The following SLC38A4 variants were observed in gnomAD, a reference collection of about 807,000 sequenced individuals.
SLC38A4 encodes the protein sodium-coupled neutral amino acid transporter 4.
In SLC38A4, 20 loss-of-function variants were observed where a neutral mutation model predicts 63.1. That is an observed-to-expected ratio of 0.32 (90% confidence interval 0.22 to 0.46). The LOEUF is 0.46. Among genes scored for constraint, SLC38A4 ranks in the 20% least tolerant of loss-of-function variants. SLC38A4 has a pLI of 1.00. For synonymous variants in SLC38A4, 230 were observed against 225.5 expected, an observed-to-expected ratio of 1.02 and a Z score of -0.18; for missense variants, 526 against 663.6, an observed-to-expected ratio of 0.79 and a Z score of 2.28.
intron 2 of SLC38A4, among the ~76,000 whole-genome samples, chr12:46,800,393 T>C (rs1565673077): frequency 6.6e-6 from 1 of 152,250 alleles, no homozygotes; most frequent in East Asian, 1.9e-4. Context: ...TTTAGTCTCA[T>C]ACTGAAGCCG....
At position 46,765,538 on chromosome 12, in the gene SLC38A4, T is replaced by C. The variant is rs770740940; in HGVS notation, c.*1163A>G. 1 of 257,050 alleles carries C rather than the reference T, an allele frequency of 3.9e-6. No homozygotes were observed. Among genetic ancestry groups the C allele is most frequent in the Non-Finnish European group, 7.8e-6 (1 of 128,628 alleles). The allele number at this position is 257,050 out of a possible 1,614,324, so 15.9% of individuals were successfully genotyped here. On this transcript the variant is annotated 3_prime_UTR_variant, in exon 17 of 17. Transcript: ENST00000266579. ...ATTGAAGAAGAGCATTGCCAAACTA[T>C]ATATAACTTAGGTTTCAAATTTAAA... is the stretch of plus-strand genomic sequence containing the variant.
intron 2 of SLC38A4, among the ~76,000 whole-genome samples, chr12:46,794,637 A>G (rs1238343743): frequency 7.2e-5 from 11 of 151,818 alleles, no homozygotes; most frequent in Admixed American, 7.2e-4. Flanking sequence ...TGTGGAAATC[A>G]CTCAAATTAT....
In SLC38A4 at chr12:46,767,272, C is replaced by G. The variant is rs565854099; in HGVS notation, c.1543-470G>C. ...TGTGTGTGTGCATACATATAATATACACACACATATATAAGGATATATGTA... is the reference window on the plus strand; with the variant it reads ...TGTGTGTGTGCATACATATAATATAGACACACATATATAAGGATATATGTA... On this transcript the variant is annotated intron_variant, in intron 16 of 16. Transcript: ENST00000266579. Among the ~76,000 whole-genome samples, 183 of 151,796 alleles carry G rather than the reference C, an allele frequency of 1.2e-3. 1 individual carries two copies. Among genetic ancestry groups the G allele is most frequent in the Non-Finnish European group, 2.5e-4 (17 of 67,886 alleles).
chr12:46,777,105 A>T (rs1409098260), intron 12 of SLC38A4, 101 bp from the exon 13 acceptor site: 7 of 869,204 alleles, frequency 8.1e-6, no homozygotes, highest in Non-Finnish European at 1.2e-5. Flanking sequence ...TATATTGCTC[A>T]TCATGAAGAC....
chr12:46,792,886 AC>A, intron 3 of SLC38A4, 66 bp downstream of exon 3: 1 of 1,133,924 alleles, frequency 8.8e-7, no homozygotes, highest in Non-Finnish European at 1.3e-6. Context: ...TCCCATCAAG[AC>A]CCTGTTTTCC....
intron 1 of SLC38A4, among the ~76,000 whole-genome samples, chr12:46,809,876 T>C (rs1939305462): frequency 6.6e-6 from 1 of 151,886 alleles, no homozygotes; most frequent in African/African-American, 2.4e-5. Context: ...GTATTCTCCT[T>C]TTTTGTTTAC....
intron 14 of SLC38A4, 129 bp downstream of exon 14, chr12:46,774,920 T>C: frequency 9.2e-7 from 1 of 1,081,452 alleles, no homozygotes; most frequent in Non-Finnish European, 1.3e-6. Flanking sequence ...CAAAATGCTA[T>C]AGGAAAATAA....
chr12:46,788,034 T>C lies in SLC38A4; in HGVS notation c.211-3A>G. ...CCAAAGGAAGTGGTTCCGGGATGCT[T>C]GAAAAAGAAGGGATGTATTATAAGC... On this transcript the variant is annotated splice_polypyrimidine_tract_variant and splice_region_variant and intron_variant, in intron 4 of 16. Coordinates refer to ENST00000266579, the MANE Select transcript of SLC38A4 (RefSeq NM_018018.5). 1 of 1,609,202 alleles carries C rather than the reference T, an allele frequency of 6.2e-7. No individual in the cohort carries two copies. Among genetic ancestry groups the C allele is most frequent in the Non-Finnish European group, 8.5e-7 (1 of 1,175,858 alleles).
At chr12:46,782,963 A>G (rs954095916) in intron 7 of SLC38A4, among the ~76,000 whole-genome samples, 1 of 143,110 alleles carries the variant, frequency 7.0e-6, no homozygotes, top group Admixed American at 7.3e-5. Flanking sequence ...GCCCAGAGGA[A>G]CTAGTATTTA....
intron 4 of SLC38A4, among the ~76,000 whole-genome samples, 181 bp from the exon 5 acceptor site, chr12:46,788,212 G>T (rs1445818222): frequency 6.6e-6 from 1 of 152,168 alleles, no homozygotes; most frequent in Non-Finnish European, 1.5e-5. Context: ...GGAATGCAGT[G>T]CTTGGTTTCA....
upstream of SLC38A4, among the ~76,000 whole-genome samples, chr12:46,828,294 T>A (rs1373797901): frequency 2.0e-5 from 3 of 152,148 alleles, no homozygotes; most frequent in Admixed American, 1.3e-4. Context: ...ATTTTTCCTT[T>A]TTTTTATTTT....
chr12:46,791,329 G>A (rs1454477782), intron 3 of SLC38A4, among the ~76,000 whole-genome samples: 1 of 152,126 alleles, frequency 6.6e-6, no homozygotes, highest in Non-Finnish European at 1.5e-5. Flanking sequence ...CTAAAGTCAG[G>A]CAACTACTCT....
chr12:46,786,011 C>T lies in SLC38A4; in HGVS notation c.327-834G>A, dbSNP rs139075441. Among the ~76,000 whole-genome samples, 428 of 151,982 alleles carry T rather than the reference C, an allele frequency of 2.8e-3. 2 individuals carry two copies. The highest frequency in any genetic ancestry group is 9.7e-3 in the African/African-American group (404 of 41,506). On this transcript the variant is annotated intron_variant, in intron 5 of 16. Coordinates refer to ENST00000266579, the MANE Select transcript of SLC38A4 (RefSeq NM_018018.5). ...ATTGATCTAATCCCTTGGTAATTCC[C>T]AATGAAATCAATACTACAAATGTAC...
intron 1 of SLC38A4, among the ~76,000 whole-genome samples, chr12:46,805,862 G>T (rs1939220401): frequency 1.3e-5 from 2 of 151,910 alleles, no homozygotes; most frequent in South Asian, 4.1e-4. Flanking sequence ...ACCATGAATA[G>T]ATATATGAGA....
chr12:46,778,988 G>C lies in SLC38A4; in HGVS notation c.718-212C>G, dbSNP rs562976039. 1.6e-4 allele frequency among the ~76,000 whole-genome samples: 24 copies of C among 152,018 alleles called. No homozygotes were observed. In the South Asian group the frequency reaches 4.8e-3, roughly 30 times the overall value. On this transcript the variant is annotated intron_variant, in intron 10 of 16. Transcript: ENST00000266579. The stretch of plus-strand genomic sequence containing the variant: ...GCAGCCCTGCCTCTTAGAGTTAACA[G>C]GACAATATTTTGCAAGAATCCTTCC...
At chr12:46,811,365 G>T (rs1252698091) in intron 1 of SLC38A4, among the ~76,000 whole-genome samples, 1 of 151,960 alleles carries the variant, frequency 6.6e-6, no homozygotes, top group African/African-American at 2.4e-5. Flanking sequence ...GGAAGTAACA[G>T]CTGGGCTAAA....
rs1350123145 is a variant in SLC38A4 at position 46,815,272 on chromosome 12, TATATATATATATAC to T, written c.-305+10617_-305+10630del. 4.6e-4 allele frequency among the ~76,000 whole-genome samples: 30 copies of T among 65,102 alleles called. No homozygotes were observed. The South Asian group carries it at 5.5e-3, about 12-fold the overall frequency. 42.7% of individuals were successfully genotyped at this position (65,102 alleles called of 152,430 possible). A position where few individuals can be genotyped will look rare whatever the true frequency, so the allele number is the denominator to read the frequency against. ...ATATATATATATATATATATATATA[TATATATATATATAC>T]ACACACACACACACACACACACAGA... On this transcript the variant is annotated intron_variant, in intron 1 of 16. Coordinates refer to ENST00000266579, the MANE Select transcript of SLC38A4 (RefSeq NM_018018.5).
At chr12:46,788,200 A>G (rs1168730190) in intron 4 of SLC38A4, among the ~76,000 whole-genome samples, 169 bp from the exon 5 acceptor site, 1 of 152,222 alleles carries the variant, frequency 6.6e-6, no homozygotes, top group Non-Finnish European at 1.5e-5. Flanking sequence ...GTAATTTTCA[A>G]CGGAATGCAG....
At chr12:46,773,200 G>A (rs929267302) in intron 14 of SLC38A4, among the ~76,000 whole-genome samples, 60 of 152,010 alleles carry the variant, frequency 3.9e-4, no homozygotes, top group Non-Finnish European at 6.9e-4. Context: ...GTCACCAAGG[G>A]AAAGAGTGTC....
Sources: gnomAD v4.1 joint callset for allele counts (sites outside exome capture counted in the v4.1 genomes callset) on GRCh38, gnomAD v4.1.1 for gene constraint, MANE v1.5 for transcripts, NCBI Gene and HGNC (gene_info 2026-07-23, HGNC 2026-07-21) for gene names.